FYN: variants seen among roughly 807,000 people sequenced by gnomAD.
The protein encoded by FYN is tyrosine-protein kinase Fyn.
Under a neutral mutation model 70.2 loss-of-function variants are expected in FYN, and 10 were observed. The observed-to-expected ratio is 0.14, with a 90% CI of 0.09 to 0.24. The LOEUF (loss-of-function observed/expected upper bound fraction) is 0.24, where lower values mean the gene tolerates loss of function less well. Ranked by LOEUF, FYN falls within the 10% of genes least tolerant of loss-of-function variation. The probability of loss-of-function intolerance (pLI) is 1.00; values close to 1 mark genes in which losing one functional copy is unlikely to be tolerated. For synonymous variants in FYN, 236 were observed against 248.6 expected (o/e 0.95, Z 0.48); for missense variants, 319 against 673.1 (o/e 0.47, Z 5.82).
chr6:111,690,657 T>C (rs902423680), intron 12 of FYN, among the ~76,000 whole-genome samples: 1 of 152,238 alleles, frequency 6.6e-6, no homozygotes, highest in Non-Finnish European at 1.5e-5. Flanking sequence ...GCAACATTTA[T>C]CACTATGTGC....
chr6:111,761,986 C>T (rs1446837862), intron 3 of FYN, among the ~76,000 whole-genome samples: 1 of 151,992 alleles, frequency 6.6e-6, no homozygotes, highest in Non-Finnish European at 1.5e-5. Flanking sequence ...GTGGGTGGCT[C>T]GATGTTTTTT....
chr6:111,801,628 C>T (rs568681190), intron 2 of FYN, among the ~76,000 whole-genome samples: 5 of 152,294 alleles, frequency 3.3e-5, no homozygotes, highest in Admixed American at 6.5e-5. Context: ...GGAGTCTCTC[C>T]AGTAGTCCAG....
At chr6:111,761,147 A>C (rs1802991558) in intron 3 of FYN, among the ~76,000 whole-genome samples, 1 of 152,196 alleles carries the variant, frequency 6.6e-6, no homozygotes, top group Admixed American at 6.5e-5. Context: ...CATAATACAG[A>C]AAAAGGACAC....
Position 111,711,477 on chromosome 6 carries a change from C to T in FYN, c.344+2870G>A, listed in dbSNP as rs142682887. On this transcript the variant is annotated intron_variant, in intron 5 of 13. Transcript: ENST00000354650. The stretch of plus-strand genomic sequence containing the variant: ...ATGTCCTAATACATGACACTGAGCA[C>T]TTACAACGGGTCAATGAAGCACCTT... Among the ~76,000 whole-genome samples the T allele has an allele frequency of 1.0e-3, 157 of 152,344 alleles. 1 individual carries two copies. The highest frequency in any genetic ancestry group is 3.7e-3 in the African/African-American group (155 of 41,578).
intron 2 of FYN, among the ~76,000 whole-genome samples, chr6:111,837,262 T>G (rs1035242785): frequency 1.3e-5 from 2 of 152,110 alleles, no homozygotes; most frequent in African/African-American, 2.4e-5. Flanking sequence ...AACTCTCTTG[T>G]AAAAGAAAAA....
chr6:111,847,983 G>A (rs1046653909), intron 1 of FYN, among the ~76,000 whole-genome samples: 2 of 152,148 alleles, frequency 1.3e-5, no homozygotes, highest in Admixed American at 6.5e-5. Flanking sequence ...CGGAGAAACC[G>A]CCAGGCAATA....
At chr6:111,715,262 T>C (rs1320936062) in intron 4 of FYN, among the ~76,000 whole-genome samples, 2 of 151,070 alleles carry the variant, frequency 1.3e-5, no homozygotes, top group Non-Finnish European at 2.9e-5. Context: ...TTTTTTCAAA[T>C]AGAGACGGGG....
At chr6:111,684,937 T>C (rs928330982) in intron 12 of FYN, among the ~76,000 whole-genome samples, 4 of 152,126 alleles carry the variant, frequency 2.6e-5, no homozygotes, top group African/African-American at 9.7e-5. Context: ...ATAATTCCAA[T>C]TATCCTTCCA....
intron 3 of FYN, among the ~76,000 whole-genome samples, chr6:111,727,086 T>C (rs706909): frequency 0.83 from 125,976 of 152,170 alleles, 52,996 homozygotes; most frequent in African/African-American, 0.96. Flanking sequence ...TGGACTAGTA[T>C]ACATTACTAA....
intron 1 of FYN, among the ~76,000 whole-genome samples, chr6:111,851,555 A>T (rs1773687740): frequency 6.6e-6 from 1 of 152,224 alleles, no homozygotes; most frequent in Admixed American, 6.5e-5. Context: ...TAGTATCATG[A>T]TGACCACCTG....
chr6:111,759,985 C>T (rs1053053138), intron 3 of FYN: 6 of 151,134 alleles, frequency 4.0e-5, no homozygotes, highest in Non-Finnish European at 7.4e-5. Context: ...GTACAGCCTT[C>T]ATTTTTTTTT....
chr6:111,704,203 T>C (rs1371223394), intron 6 of FYN, 101 bp from the exon 7 acceptor site: 9 of 849,144 alleles, frequency 1.1e-5, no homozygotes, highest in Non-Finnish European at 1.7e-5. Context: ...TCTCCTCCAA[T>C]TTAGTCCTTA....
intron 3 of FYN, among the ~76,000 whole-genome samples, chr6:111,770,660 C>T (rs1803408305): frequency 1.3e-5 from 2 of 152,186 alleles, no homozygotes; most frequent in South Asian, 4.1e-4. Flanking sequence ...GCTCATCATT[C>T]TGCAGGCTGG....
chr6:111,773,477 G>GAGGC (rs1562515189), intron 3 of FYN, among the ~76,000 whole-genome samples: 1 of 44,702 alleles, frequency 2.2e-5, no homozygotes, highest in African/African-American at 1.1e-4. Context: ...AAGGGAAAAC[G>GAGGC]AGAGGGAGAG....
chr6:111,856,727 T>C (rs912851138), intron 1 of FYN, among the ~76,000 whole-genome samples: 2 of 152,140 alleles, frequency 1.3e-5, no homozygotes, highest in African/African-American at 4.8e-5. Flanking sequence ...CATCTCTAAC[T>C]CTCTTGGCTC....
At chr6:111,732,866 C>G (rs1347814570) in intron 3 of FYN, among the ~76,000 whole-genome samples, 5 of 152,148 alleles carry the variant, frequency 3.3e-5, no homozygotes, top group Non-Finnish European at 7.3e-5. Flanking sequence ...GGGCCCCGGA[C>G]AGCTTCACGG....
chr6:111,866,265 G>C (rs1323599910), intron 1 of FYN, among the ~76,000 whole-genome samples: 1 of 152,218 alleles, frequency 6.6e-6, no homozygotes, highest in Non-Finnish European at 1.5e-5. Context: ...GAGTCACAGA[G>C]AGACCAGGTA....
chr6:111,778,755 A>C (rs112585162), intron 3 of FYN, among the ~76,000 whole-genome samples: 3 of 151,876 alleles, frequency 2.0e-5, no homozygotes, highest in African/African-American at 4.8e-5. Context: ...CAGCCTCCTA[A>C]AGTGCTGGGA....
intron 13 of FYN, among the ~76,000 whole-genome samples, chr6:111,674,092 A>G (rs1197416663): frequency 1.3e-5 from 2 of 152,170 alleles, no homozygotes; most frequent in Non-Finnish European, 2.9e-5. Context: ...GGTCAGTGCT[A>G]CAGTGTAATC....
Sources: allele counts gnomAD v4.1 joint callset (sites outside exome capture counted in the v4.1 genomes callset), GRCh38; gene constraint gnomAD v4.1.1; transcripts MANE v1.5; gene names NCBI Gene and HGNC (gene_info 2026-07-23, HGNC 2026-07-21).